The following ARAP2 variants were observed in gnomAD, a reference collection of about 807,000 sequenced individuals.
ARAP2 encodes ArfGAP with RhoGAP domain, ankyrin repeat and PH domain 2, also known as arf-GAP with Rho-GAP domain, ANK repeat and PH domain-containing protein 2.
ARAP2 carries 148 observed loss-of-function variants against 194.5 expected under a neutral mutation model. The observed-to-expected ratio is 0.76, with a 90% confidence interval of 0.67 to 0.87. The LOEUF (loss-of-function observed/expected upper bound fraction) is 0.87, where lower values mean the gene tolerates loss of function less well. ARAP2 is among the 40% of genes least tolerant of loss of function. ARAP2 has a pLI of 0.00. For missense variants in ARAP2, 2,128 were observed against 1,989.7 expected, an observed-to-expected ratio of 1.07 and a Z score of -1.32; for synonymous variants, 695 against 683.5, an observed-to-expected ratio of 1.02 and a Z score of -0.26.
downstream of ARAP2, among the ~76,000 whole-genome samples, chr4:36,062,009 G>A (rs1032837061): frequency 2.6e-5 from 4 of 151,996 alleles, no homozygotes; most frequent in Admixed American, 6.6e-5. Flanking sequence ...ATTTTTTCCT[G>A]TACAATTGTT....
intron 19 of ARAP2, among the ~76,000 whole-genome samples, chr4:36,145,316 C>T (rs867768859): frequency 1.3e-5 from 2 of 151,800 alleles, no homozygotes; most frequent in African/African-American, 2.4e-5. Context: ...AGGAAAATGT[C>T]GTCATATATA....
At chr4:36,096,672 A>C (rs113201829) in intron 27 of ARAP2, among the ~76,000 whole-genome samples, 204 of 152,316 alleles carry the variant, frequency 1.3e-3, no homozygotes, top group African/African-American at 4.7e-3. Flanking sequence ...TTTATTGATC[A>C]CACCGTCATA....
At chr4:36,241,941 G>T (rs1288391988) in intron 1 of ARAP2, among the ~76,000 whole-genome samples, 1 of 152,158 alleles carries the variant, frequency 6.6e-6, no homozygotes, top group Admixed American at 6.5e-5. Context: ...AAGTAAGCTT[G>T]TGCTGAACAG....
intron 5 of ARAP2, among the ~76,000 whole-genome samples, chr4:36,041,235 G>T (rs760741095): frequency 2.6e-5 from 4 of 152,040 alleles, no homozygotes; most frequent in Non-Finnish European, 5.9e-5. Context: ...AGAATGAATA[G>T]ACAACCTACC....
At chr4:36,094,216 G>A (rs1714563537) in intron 27 of ARAP2, among the ~76,000 whole-genome samples, 1 of 152,012 alleles carries the variant, frequency 6.6e-6, no homozygotes, top group Non-Finnish European at 1.5e-5. Context: ...TTTCTCAAAA[G>A]TTTGATGACA....
intron 9 of ARAP2, among the ~76,000 whole-genome samples, chr4:36,008,423 C>A (rs947085587): frequency 3.9e-5 from 6 of 151,974 alleles, no homozygotes; most frequent in African/African-American, 1.5e-4. Context: ...ACAAACTTGA[C>A]AAAAATAAGC....
chr4:36,108,600 T>C (rs1719047822), intron 26 of ARAP2, among the ~76,000 whole-genome samples: 1 of 152,010 alleles, frequency 6.6e-6, no homozygotes, highest in African/African-American at 2.4e-5. Flanking sequence ...AATATATCTC[T>C]CTGAAGAATA....
intron 20 of ARAP2, among the ~76,000 whole-genome samples, chr4:36,132,697 T>C (rs549641130): frequency 9.8e-4 from 149 of 151,906 alleles, no homozygotes; most frequent in African/African-American, 3.4e-3. Context: ...CTGCAAACGA[T>C]TCATTGAAAT....
rs746497686 is a variant in ARAP2 at position 36,117,130 on chromosome 4, G to C, written c.3969C>G (p.Ser1323=). ...FITKWKDTQV[S]QAGDLLIEVY... The stretch of plus-strand genomic sequence containing the variant: ...CTTCAATTAACAAATCTCCAGCCTG[G>C]GAAACCTAGAAAAGGGCAGAGGTAG... The change falls in exon 25 of 33, where the codon TCC becomes TCG. Residue 1323 remains serine (S), a synonymous_variant. Coordinates refer to ENST00000303965, the MANE Select transcript of ARAP2 (RefSeq NM_015230.4). The C allele has an allele frequency of 1.3e-6, 2 of 1,594,232 alleles. No homozygotes were observed. Among genetic ancestry groups the C allele is most frequent in the South Asian group, 1.1e-5 (1 of 88,756 alleles).
At chr4:36,105,563 T>C (rs1009482402) in intron 27 of ARAP2, among the ~76,000 whole-genome samples, 1 of 151,874 alleles carries the variant, frequency 6.6e-6, no homozygotes, top group Non-Finnish European at 1.5e-5. Flanking sequence ...AAACACCAAA[T>C]CTTCCTACCC....
At chr4:36,146,741 ATATAAT>A (rs1303759430) in intron 19 of ARAP2, among the ~76,000 whole-genome samples, 1 of 152,076 alleles carries the variant, frequency 6.6e-6, no homozygotes, top group East Asian at 1.9e-4. Flanking sequence ...ACAGAATAGC[ATATAAT>A]TATTTTTGTC....
Position 36,067,883 on chromosome 4 carries a change from C to A in ARAP2, c.*24G>T. 3.2e-6 allele frequency: 5 copies of A among 1,538,746 alleles called. No individual in the cohort carries two copies. The highest frequency in any genetic ancestry group is 4.4e-6 in the Non-Finnish European group (5 of 1,142,776). On this transcript the variant is annotated 3_prime_UTR_variant, in exon 33 of 33. Transcript: ENST00000303965. ...TTGCATACAATATTAAAAAAATAAT[C>A]TGGGGAGCAATTCATTTTATTTCCT...
chr4:36,076,694 G>C lies in ARAP2; in HGVS notation c.4609-2871C>G, dbSNP rs149899761. ...CCCAGGCATCTCATCTAATCCTATA[G>C]CTTTGAATATAATCTAAGTGCTGAC... On this transcript the variant is annotated intron_variant, in intron 31 of 32. Coordinates refer to ENST00000303965, the MANE Select transcript of ARAP2 (RefSeq NM_015230.4). Among the ~76,000 whole-genome samples the C allele has an allele frequency of 2.0e-5, 3 of 151,664 alleles. No individual in the cohort carries two copies. The East Asian group carries it at 5.8e-4, about 29-fold the overall frequency.
chr4:36,204,436 G>GAT (rs2109242004), intron 6 of ARAP2, among the ~76,000 whole-genome samples: 1 of 152,204 alleles, frequency 6.6e-6, no homozygotes, highest in Non-Finnish European at 1.5e-5. Flanking sequence ...CCTTTTCTCA[G>GAT]GAAGCTTCAA....
rs189073922 is a variant in ARAP2, at chr4:36,017,845, G to A, written n.750+1299C>T. ...AGTGAAACAGAGTGACAAGAAGAAAGGGTGGAAGCAGGAAGACTGGTGAAG... is the reference window on the plus strand; with the variant it reads ...AGTGAAACAGAGTGACAAGAAGAAAAGGTGGAAGCAGGAAGACTGGTGAAG... On this transcript the variant is annotated intron_variant and non_coding_transcript_variant, in intron 6 of 12. Coordinates refer to the ARAP2 transcript ENST00000503225. Among the ~76,000 whole-genome samples, 369 of 152,248 alleles carry A rather than the reference G, an allele frequency of 2.4e-3. 1 individual carries two copies. The highest frequency in any genetic ancestry group is 8.5e-3 in the African/African-American group (352 of 41,560).
At chr4:36,126,312 G>T (rs578050679) in intron 21 of ARAP2, among the ~76,000 whole-genome samples, 1 of 152,030 alleles carries the variant, frequency 6.6e-6, no homozygotes, top group South Asian at 2.1e-4. Flanking sequence ...AAAACAAAAA[G>T]TCATGCTAGT....
At chr4:36,157,422 G>A (rs1414207413) in intron 15 of ARAP2, 1 of 151,512 alleles carries the variant, frequency 6.6e-6, no homozygotes, top group Non-Finnish European at 1.5e-5. Flanking sequence ...TTTATTATTG[G>A]TTAGGCTGAG....
chr4:36,088,205 T>G (rs1379515720), intron 28 of ARAP2, among the ~76,000 whole-genome samples: 1 of 152,094 alleles, frequency 6.6e-6, no homozygotes, highest in Non-Finnish European at 1.5e-5. Context: ...ACACGCCAAC[T>G]GCAAAAGTGA....
chr4:36,037,077 A>T (rs945178171), intron 5 of ARAP2, among the ~76,000 whole-genome samples: 1 of 151,902 alleles, frequency 6.6e-6, no homozygotes, highest in African/African-American at 2.4e-5. Context: ...TAGTCTTTTC[A>T]CCTCATGGGT....
Sources: gnomAD v4.1 joint callset for allele counts (sites outside exome capture counted in the v4.1 genomes callset) on GRCh38, gnomAD v4.1.1 for gene constraint, MANE v1.5 for transcripts, NCBI Gene and HGNC (gene_info 2026-07-23, HGNC 2026-07-21) for gene names.